The following CFAP61 variants were observed in gnomAD, a reference collection of about 807,000 sequenced individuals.
CFAP61 encodes the protein cilia- and flagella-associated protein 61.
CFAP61 carries 107 observed loss-of-function variants against 135.6 expected under a neutral mutation model. That is an observed-to-expected ratio of 0.79 (90% CI 0.67 to 0.93). CFAP61 has a LOEUF of 0.93. Ranked by LOEUF, CFAP61 falls within the 40% of genes least tolerant of loss-of-function variation. The probability of loss-of-function intolerance (pLI) is 0.00; values close to 1 mark genes in which losing one functional copy is unlikely to be tolerated. For synonymous variants in CFAP61, 575 were observed against 578.5 expected, an observed-to-expected ratio of 0.99 and a Z score of 0.09; for missense variants, 1,507 against 1,556.2, an observed-to-expected ratio of 0.97 and a Z score of 0.53.
chr20:20,188,853 G>T lies in CFAP61; in HGVS notation c.1512+797G>T, dbSNP rs1210495343. On this transcript the variant is annotated intron_variant, in intron 14 of 26. Transcript: ENST00000245957. ...CAGACTTAACCACAGCCTGCTGGAAGTCCCCTGATGCCTCTACTCAGGCCT... is the reference window on the plus strand; with the variant it reads ...CAGACTTAACCACAGCCTGCTGGAATTCCCCTGATGCCTCTACTCAGGCCT... Among the ~76,000 whole-genome samples, 12 of 152,174 alleles carry T rather than the reference G, an allele frequency of 7.9e-5. No individual in the cohort carries two copies. The East Asian group carries it at 2.3e-3, about 29-fold the overall frequency.
chr20:20,296,320 T>C (rs6112853), intron 24 of CFAP61, among the ~76,000 whole-genome samples: 6,274 of 54,468 alleles, frequency 0.12, 423 homozygotes, highest in East Asian at 0.25. Flanking sequence ...CCTTCCCTCC[T>C]TCCTTCCCTT....
intron 8 of CFAP61, among the ~76,000 whole-genome samples, chr20:20,110,217 A>G (rs928915218): frequency 5.3e-5 from 8 of 152,136 alleles, no homozygotes; most frequent in East Asian, 1.9e-4. Context: ...TGCTCTACCA[A>G]CTTAGGTCCA....
At chr20:20,087,793 A>T (rs1311535017) in intron 6 of CFAP61, among the ~76,000 whole-genome samples, 1 of 152,202 alleles carries the variant, frequency 6.6e-6, no homozygotes, top group Non-Finnish European at 1.5e-5. Flanking sequence ...CCAAGGTCAC[A>T]GCTGGGCAGA....
chr20:20,190,882 C>G (rs1281395972), intron 14 of CFAP61, among the ~76,000 whole-genome samples: 4 of 152,028 alleles, frequency 2.6e-5, no homozygotes, highest in Non-Finnish European at 2.9e-5. Context: ...ACTCTGGGAG[C>G]CCAAGGCAGG....
At chr20:20,226,491 A>G (rs1384981781) in intron 17 of CFAP61, among the ~76,000 whole-genome samples, 1 of 152,222 alleles carries the variant, frequency 6.6e-6, no homozygotes, top group African/African-American at 2.4e-5. Context: ...GTGGTTTCAC[A>G]GCCCTATTGT....
At chr20:20,179,425 A>G (rs2054881431) in intron 13 of CFAP61, among the ~76,000 whole-genome samples, 1 of 152,242 alleles carries the variant, frequency 6.6e-6, no homozygotes, top group Admixed American at 6.5e-5. Flanking sequence ...ATGGATAGAA[A>G]GAATCAATAT....
intron 9 of CFAP61, among the ~76,000 whole-genome samples, chr20:20,145,526 A>G (rs1353544096): frequency 6.6e-6 from 1 of 152,250 alleles, no homozygotes; most frequent in African/African-American, 2.4e-5. Context: ...CTAAGTATAC[A>G]ATAATTACAT....
intron 17 of CFAP61, among the ~76,000 whole-genome samples, chr20:20,216,503 C>T (rs2048043402): frequency 6.6e-6 from 1 of 152,234 alleles, no homozygotes; most frequent in South Asian, 2.1e-4. Context: ...CCCTGCAAGT[C>T]ACAGCTGTCA....
chr20:20,128,196 C>T (rs2050222627), intron 8 of CFAP61, among the ~76,000 whole-genome samples: 1 of 151,738 alleles, frequency 6.6e-6, no homozygotes, highest in African/African-American at 2.4e-5. Flanking sequence ...GAGTTCTGGC[C>T]AGGAGGCTTC....
chr20:20,321,296 A>G lies in CFAP61; in HGVS notation c.3423-20535A>G, dbSNP rs531138641. On this transcript the variant is annotated intron_variant, in intron 25 of 26. Coordinates refer to ENST00000245957, the MANE Select transcript of CFAP61 (RefSeq NM_015585.4). ...CTCTTCAAAATAACCTAGGAGGGAG[A>G]AGAGTAGGAGGAGCTAGCAATGACA... Among the ~76,000 whole-genome samples the G allele has an allele frequency of 1.1e-3, 170 of 152,244 alleles. 1 individual carries two copies. The highest frequency in any genetic ancestry group is 4.0e-3 in the African/African-American group (166 of 41,548).
chr20:20,091,924 C>T (rs969646971), intron 7 of CFAP61, among the ~76,000 whole-genome samples: 1 of 152,148 alleles, frequency 6.6e-6, no homozygotes, highest in African/African-American at 2.4e-5. Flanking sequence ...TCAGGTGATC[C>T]GCCCGCCTTG....
chr20:20,107,008 G>A (rs995485905), intron 8 of CFAP61, among the ~76,000 whole-genome samples: 3 of 152,190 alleles, frequency 2.0e-5, no homozygotes, highest in Non-Finnish European at 2.9e-5. Flanking sequence ...CCAACTGGGT[G>A]TTTGATCCTG....
rs149981124 is a variant in CFAP61 at position 20,196,587 on chromosome 20, G to A, written c.1608G>A (p.Arg536=). The A allele has an allele frequency of 1.9e-6, 3 of 1,613,556 alleles. No individual in the cohort carries two copies. The highest frequency in any genetic ancestry group is 1.3e-5 in the African/African-American group (1 of 74,992). Residue 536 remains arginine (R), a synonymous_variant, in exon 16 of 27, where the codon CGG becomes CGA. Transcript: ENST00000245957. ...TTCTGTAGGACATTGAGTACATACG[G>A]TCCCATTACAACATTGAAGATTTCA... ...IRNEMDIEYI[R]SHYNIEDFIY...
In CFAP61 at chr20:20,329,372, C is replaced by G. The variant is rs75428805; in HGVS notation, c.3423-12459C>G. The stretch of plus-strand genomic sequence containing the variant: ...CCTTTGCCCCTGTTCACCTCTCTGT[C>G]CTGTGCTCCTGCTTCCCTGCACCTC... On this transcript the variant is annotated intron_variant, in intron 25 of 26. Transcript: ENST00000245957. Among the ~76,000 whole-genome samples the G allele has an allele frequency of 7.5e-3, 1,144 of 152,314 alleles. 13 individuals are homozygous for G. Among genetic ancestry groups the G allele is most frequent in the African/African-American group, 0.026 (1,087 of 41,560 alleles).
At chr20:20,346,878 A>T (rs2058653614) in intron 26 of CFAP61, among the ~76,000 whole-genome samples, 1 of 152,228 alleles carries the variant, frequency 6.6e-6, no homozygotes, top group Non-Finnish European at 1.5e-5. Flanking sequence ...AAGGAAATAG[A>T]TGACTTCAAT....
At chr20:20,066,931 TTGTGATGA>T (rs1423088088) in intron 2 of CFAP61, among the ~76,000 whole-genome samples, 1 of 152,160 alleles carries the variant, frequency 6.6e-6, no homozygotes, top group African/African-American at 2.4e-5. Flanking sequence ...AGGAAACTTT[TTGTGATGA>T]TGTAAACATT....
chr20:20,249,962 T>A (rs1156630376), intron 19 of CFAP61, among the ~76,000 whole-genome samples: 2 of 152,222 alleles, frequency 1.3e-5, no homozygotes, highest in Non-Finnish European at 2.9e-5. Flanking sequence ...TGAAATGGTT[T>A]TTACAAGAGA....
At chr20:20,262,890 T>A in intron 20 of CFAP61, 66 bp from the exon 21 acceptor site, 1 of 993,992 alleles carries the variant, frequency 1.0e-6, no homozygotes. Context: ...CTACTTTTTT[T>A]TTTTTAACCA....
chr20:20,336,883 T>G (rs2122338943), intron 25 of CFAP61, among the ~76,000 whole-genome samples: 1 of 152,316 alleles, frequency 6.6e-6, no homozygotes, highest in East Asian at 1.9e-4. Context: ...TAAGTGGCTC[T>G]GACATTCTCC....
Sources: gnomAD v4.1 joint callset for allele counts (sites outside exome capture counted in the v4.1 genomes callset) on GRCh38, gnomAD v4.1.1 for gene constraint, MANE v1.5 for transcripts, NCBI Gene and HGNC (gene_info 2026-07-23, HGNC 2026-07-21) for gene names.